Variants in RP1 observed in about 807,000 individuals in gnomAD.
RP1 encodes RP1 axonemal microtubule associated.
RP1 carries 16 observed loss-of-function variants against 14.8 expected under a neutral mutation model. The observed-to-expected ratio is 1.08, with a 90% CI of 0.73 to 1.65. RP1 has a LOEUF of 1.65. RP1 is among the 40% of genes most tolerant of loss of function. RP1 has a pLI of 0.00. For synonymous variants in RP1, 876 were observed against 883.6 expected, an observed-to-expected ratio of 0.99 and a Z score of 0.15; for missense variants, 2,631 against 2,535.0, an observed-to-expected ratio of 1.04 and a Z score of -0.81.
At chr8:54,755,517 C>CA in intron 20 of RP1, 1 of 1,141,114 alleles carries the variant, frequency 8.8e-7, no homozygotes, top group Non-Finnish European at 1.2e-6. Flanking sequence ...ATATGTTTTT[C>CA]TTTTTTTACT....
intron 27 of RP1, among the ~76,000 whole-genome samples, chr8:54,864,494 A>AT (rs1269666128): frequency 6.6e-6 from 1 of 152,158 alleles, no homozygotes; most frequent in Non-Finnish European, 1.5e-5. Context: ...TTTTATAGCC[A>AT]TTTTAAATTC....
At position 54,805,666 on chromosome 8, in the gene RP1, C is replaced by T. The variant is rs1810830332; in HGVS notation, c.3615+21956C>T. Among the ~76,000 whole-genome samples, 7 of 151,158 alleles carry T rather than the reference C, an allele frequency of 4.6e-5. No homozygotes were observed. In the South Asian group the frequency reaches 1.5e-3, roughly 32 times the overall value. The stretch of plus-strand genomic sequence containing the variant: ...TGGTATATTAGTTATAACATCCTGG[C>T]GATGACACCAGGTGCATGCCCATGG... On this transcript the variant is annotated intron_variant, in intron 24 of 28. Transcript: ENST00000637698.
rs182498553 is a variant in RP1, at chr8:54,695,059, G to A, written c.1718-4408G>A. ...GGTTTCAAAGAACATGTTTATTTCT[G>A]CCTTCATTTCGTTATGCACCCAGTA... On this transcript the variant is annotated intron_variant, in intron 12 of 22. Coordinates refer to the RP1 transcript ENST00000636932. Among the ~76,000 whole-genome samples the A allele has an allele frequency of 7.1e-3, 1,079 of 152,134 alleles. 16 individuals are homozygous for A. The highest frequency in any genetic ancestry group is 0.025 in the African/African-American group (1,037 of 41,470).
intron 26 of RP1, among the ~76,000 whole-genome samples, chr8:54,853,161 A>C (rs1401608124): frequency 6.6e-6 from 1 of 152,208 alleles, no homozygotes; most frequent in African/African-American, 2.4e-5. Context: ...TCAAGAAGCC[A>C]GTCAGAAAGT....
chr8:54,749,370 T>C (rs1199805003), intron 19 of RP1, among the ~76,000 whole-genome samples: 1 of 151,744 alleles, frequency 6.6e-6, no homozygotes, highest in Non-Finnish European at 1.5e-5. Context: ...AATACAAATA[T>C]AGATGGTGGC....
chr8:54,711,806 T>C (rs895888604), intron 15 of RP1, among the ~76,000 whole-genome samples: 7 of 152,084 alleles, frequency 4.6e-5, no homozygotes, highest in Non-Finnish European at 1.0e-4. Flanking sequence ...CATTGCAAGC[T>C]TCCCGGCTGA....
intron 18 of RP1, chr8:54,738,815 G>C (rs1395368638): frequency 9.3e-6 from 5 of 537,312 alleles, no homozygotes; most frequent in Non-Finnish European, 1.6e-5. Context: ...TCTAGACTCT[G>C]AAAGAGTTCC....
At chr8:54,865,305 T>C (rs923084904) in intron 27 of RP1, among the ~76,000 whole-genome samples, 1 of 152,040 alleles carries the variant, frequency 6.6e-6, no homozygotes, top group African/African-American at 2.4e-5. Context: ...CTTTTTTCTA[T>C]ACTTATCAGT....
chr8:54,705,762 G>A (rs1808135931), intron 14 of RP1, among the ~76,000 whole-genome samples: 1 of 151,550 alleles, frequency 6.6e-6, no homozygotes, highest in African/African-American at 2.4e-5. Context: ...TGTTGAGTAT[G>A]GTCCTTAAGG....
chr8:54,762,702 C>T (rs1480234042), intron 22 of RP1, among the ~76,000 whole-genome samples: 1 of 152,186 alleles, frequency 6.6e-6, no homozygotes, highest in African/African-American at 2.4e-5. Context: ...CATTGAACAA[C>T]TGAAATATAT....
At chr8:54,611,007 A>G (rs1805577792) in intron 1 of RP1, among the ~76,000 whole-genome samples, 2 of 152,326 alleles carry the variant, frequency 1.3e-5, no homozygotes, top group African/African-American at 4.8e-5. Flanking sequence ...TTTGCCAGAT[A>G]TAGAAGTCTT....
chr8:54,698,981 T>C (rs919730508), intron 12 of RP1, among the ~76,000 whole-genome samples: 1 of 152,208 alleles, frequency 6.6e-6, no homozygotes, highest in Admixed American at 6.5e-5. Context: ...GGCACATGTA[T>C]ACCTATATTA....
downstream of RP1, among the ~76,000 whole-genome samples, chr8:54,634,382 T>C (rs1215501564): frequency 6.6e-6 from 1 of 152,220 alleles, no homozygotes; most frequent in Non-Finnish European, 1.5e-5. Flanking sequence ...AAAATTACAT[T>C]CCCTGGACAC....
At chr8:54,811,776 A>G (rs1811000689) in intron 24 of RP1, among the ~76,000 whole-genome samples, 1 of 152,240 alleles carries the variant, frequency 6.6e-6, no homozygotes, top group African/African-American at 2.4e-5. Flanking sequence ...ATTCAAGTTC[A>G]TATCTTGAGC....
At chr8:54,861,598 T>A (rs1305661074) in intron 27 of RP1, among the ~76,000 whole-genome samples, 4 of 152,202 alleles carry the variant, frequency 2.6e-5, no homozygotes, top group African/African-American at 9.6e-5. Flanking sequence ...ACATTCTTTT[T>A]TTCTTTTCTT....
At chr8:54,783,841 G>A (rs1004428148) in intron 24 of RP1, 41 of 524,664 alleles carry the variant, frequency 7.8e-5, no homozygotes, top group African/African-American at 6.5e-4. Flanking sequence ...GGTGTATGTG[G>A]CATGTTTTAT....
chr8:54,659,504 T>C (rs1255590900), intron 6 of RP1, among the ~76,000 whole-genome samples: 1 of 152,202 alleles, frequency 6.6e-6, no homozygotes, highest in African/African-American at 2.4e-5. Flanking sequence ...CCTCCTTGTG[T>C]GGTCTTGGCA....
intron 12 of RP1, chr8:54,696,612 C>A: frequency 1.3e-6 from 1 of 792,482 alleles, no homozygotes; most frequent in Non-Finnish European, 2.1e-6. Context: ...CTCAGATGAC[C>A]AGAAGTGAAA....
intron 3 of RP1, among the ~76,000 whole-genome samples, chr8:54,643,250 T>C (rs1286712136): frequency 1.3e-5 from 2 of 152,210 alleles, no homozygotes; most frequent in Non-Finnish European, 2.9e-5. Context: ...GCATTTTAAA[T>C]GTACAATGTG....
Sources: allele counts gnomAD v4.1 joint callset (sites outside exome capture counted in the v4.1 genomes callset), GRCh38; gene constraint gnomAD v4.1.1; transcripts MANE v1.5; gene names NCBI Gene and HGNC (gene_info 2026-07-23, HGNC 2026-07-21).